Variants in FIRRM observed in about 807,000 individuals in gnomAD.
FIRRM encodes FIGNL1 interacting regulator of recombination and mitosis.
chr1:169,854,017 TCCTTATTTTAATC>T, the FIRRM span: 1 of 582,828 alleles, frequency 1.7e-6, no homozygotes, highest in Admixed American at 3.4e-5. Context: ...TGACACCAAA[TCCTTATTTTAATC>T]CCTTTTTTTT....
At chr1:169,828,075 TTAATGGTCAGCATTA>T in the FIRRM span, among the ~76,000 whole-genome samples, 1 of 152,232 alleles carries the variant, frequency 6.6e-6, no homozygotes, top group Non-Finnish European at 1.5e-5. Flanking sequence ...TCAGTATTGC[TTAATGGTCAGCATTA>T]TAAACATTGA....
At chr1:169,853,916 C>CT in the FIRRM span, 11 of 882,774 alleles carry the variant, frequency 1.2e-5, no homozygotes, top group Non-Finnish European at 1.9e-5. Flanking sequence ...ACTTAGAGCT[C>CT]TAACAGAAAG....
chr1:169,835,712 T>C, the FIRRM span, among the ~76,000 whole-genome samples: 5 of 152,346 alleles, frequency 3.3e-5, no homozygotes, highest in South Asian at 1.0e-3. Context: ...CCTACCCTTT[T>C]ATGTTGTCCA....
chr1:169,785,834 G>A, the FIRRM span, among the ~76,000 whole-genome samples: 1 of 152,154 alleles, frequency 6.6e-6, no homozygotes, highest in Non-Finnish European at 1.5e-5. Flanking sequence ...GCATATCAAT[G>A]TAATCAAATA....
At chr1:169,831,470 T>C in the FIRRM span, among the ~76,000 whole-genome samples, 1 of 152,192 alleles carries the variant, frequency 6.6e-6, no homozygotes, top group Non-Finnish European at 1.5e-5. Context: ...GTGAGGTGTG[T>C]AATAACCTGA....
the FIRRM span, chr1:169,851,857 G>A: frequency 6.8e-6 from 11 of 1,613,914 alleles, no homozygotes; most frequent in East Asian, 2.2e-5. Flanking sequence ...AAAGTGGAAC[G>A]TGTGAAACAG....
chr1:169,814,924 A>T, the FIRRM span, among the ~76,000 whole-genome samples: 8 of 152,002 alleles, frequency 5.3e-5, no homozygotes, highest in African/African-American at 1.4e-4. Context: ...CATGATGCAC[A>T]CTTGGTACAT....
chr1:169,793,241 G>A, the FIRRM span: 2 of 1,613,998 alleles, frequency 1.2e-6, no homozygotes, highest in East Asian at 4.5e-5. Context: ...AGAGTGAGAA[G>A]AAAAGCTTTT....
the FIRRM span, among the ~76,000 whole-genome samples, chr1:169,807,602 A>T: frequency 1.3e-5 from 2 of 152,238 alleles, no homozygotes; most frequent in Non-Finnish European, 2.9e-5. Flanking sequence ...CAGAGAAAAA[A>T]TTAGCAACTT....
At chr1:169,853,010 G>A in the FIRRM span, 3 of 1,609,092 alleles carry the variant, frequency 1.9e-6, no homozygotes, top group South Asian at 3.3e-5. Flanking sequence ...GGCAGAACTG[G>A]GTTTGATGCT....
the FIRRM span, chr1:169,830,645 A>T: frequency 6.5e-7 from 1 of 1,547,476 alleles, no homozygotes; most frequent in Admixed American, 1.7e-5. Flanking sequence ...TCATCTCCTT[A>T]TGTTTCTGAG....
chr1:169,814,581 T>G, the FIRRM span, among the ~76,000 whole-genome samples: 1 of 152,324 alleles, frequency 6.6e-6, no homozygotes, highest in Non-Finnish European at 1.5e-5. Context: ...TTTTTCATCA[T>G]CTTTAATGCA....
At chr1:169,784,143 T>G in the FIRRM span, among the ~76,000 whole-genome samples, 1,965 of 152,316 alleles carry the variant, frequency 0.013, 46 homozygotes, top group African/African-American at 0.045. Flanking sequence ...ACTTCAGCAC[T>G]ATCTCAAGCA....
At chr1:169,827,808 C>T in the FIRRM span, 1 of 1,613,988 alleles carries the variant, frequency 6.2e-7, no homozygotes. Flanking sequence ...CCCTGTGGTG[C>T]ACAGACAGCC....
the FIRRM span, chr1:169,849,742 A>G: frequency 1.5e-6 from 1 of 645,200 alleles, no homozygotes; most frequent in East Asian, 2.8e-5. Flanking sequence ...ATTACTCGTT[A>G]TCTCTTTTAC....
the FIRRM span, among the ~76,000 whole-genome samples, chr1:169,786,965 G>T: frequency 6.6e-6 from 1 of 152,188 alleles, no homozygotes; most frequent in African/African-American, 2.4e-5. Context: ...CCTGCTGGAG[G>T]TTTGAGAGCA....
the FIRRM span, chr1:169,853,092 A>G: frequency 9.7e-7 from 1 of 1,035,826 alleles, no homozygotes. Flanking sequence ...AGTTGAATCT[A>G]GTGAAAATAA....
At chr1:169,854,038 T>TTTC in the FIRRM span, 1 of 566,468 alleles carries the variant, frequency 1.8e-6, no homozygotes, top group Non-Finnish European at 3.0e-6. Context: ...ATCCCTTTTT[T>TTTC]TTCTTTTTCA....
chr1:169,852,673 T>C, the FIRRM span: 48 of 1,077,030 alleles, frequency 4.5e-5, no homozygotes, highest in Non-Finnish European at 6.5e-5. Flanking sequence ...TGCATCCTCC[T>C]ACCCTTGTGA....
Sources: allele counts gnomAD v4.1 joint callset (sites outside exome capture counted in the v4.1 genomes callset), GRCh38; gene constraint gnomAD v4.1.1; transcripts MANE v1.5; gene names NCBI Gene and HGNC (gene_info 2026-07-23, HGNC 2026-07-21).